ASPA: variants seen among roughly 807,000 people sequenced by gnomAD.
The protein encoded by ASPA is aspartoacylase, also known as ACY-2.
A neutral mutation model predicts 29.6 loss-of-function variants in ASPA; 25 were observed. The ratio of observed to expected loss-of-function variants is 0.85; its 90% CI spans 0.62 to 1.18. ASPA has a LOEUF of 1.18. Ranked by LOEUF, ASPA falls within the 50% of genes most tolerant of loss-of-function variation. The pLI is 0.00. For synonymous variants in ASPA, 131 were observed against 130.3 expected (o/e 1.01, Z -0.04); for missense variants, 333 against 385.7 (o/e 0.86, Z 1.14).
upstream of ASPA, among the ~76,000 whole-genome samples, chr17:3,474,568 A>G (rs2073494179): frequency 6.6e-6 from 1 of 152,254 alleles, no homozygotes; most frequent in South Asian, 2.1e-4. Context: ...ACAGACAGTC[A>G]AAGCCTACAG....
chr17:3,501,483 A>G lies in ASPA; in HGVS notation c.*2395A>G, dbSNP rs1457454725. 6.5e-6 allele frequency: 1 copy of G among 152,882 alleles called. No individual in the cohort carries two copies. The highest frequency in any genetic ancestry group is 1.5e-5 in the Non-Finnish European group (1 of 68,456). 9.5% of individuals were successfully genotyped at this position (152,882 alleles called of 1,614,324 possible). On this transcript the variant is annotated 3_prime_UTR_variant, in exon 6 of 6. Coordinates refer to ENST00000263080, the MANE Select transcript of ASPA (RefSeq NM_000049.4). ...TGAACTGCTGCAATCTCATGATCACACTTGAATGGATGAGGAGTCGCTTCT... is the reference window on the plus strand; with the variant it reads ...TGAACTGCTGCAATCTCATGATCACGCTTGAATGGATGAGGAGTCGCTTCT...
In ASPA at chr17:3,488,004, C is replaced by T. The variant is rs2073758437; in HGVS notation, c.527-1231C>T. Among the ~76,000 whole-genome samples, 1 of 151,950 alleles carries T rather than the reference C, an allele frequency of 6.6e-6. No individual in the cohort carries two copies. On this transcript the variant is annotated intron_variant, in intron 3 of 5. Transcript: ENST00000263080. This position sits in a 1 kb window ranked among gnomAD's most constrained non-coding sequence, Gnocchi z 6.1. ...TATGTTCATACATATATGCAAGAAACCTAAGCACAACAAATAAAAAATGAT... is the reference window on the plus strand; with the variant it reads ...TATGTTCATACATATATGCAAGAAATCTAAGCACAACAAATAAAAAATGAT...
intron 1 of ASPA, among the ~76,000 whole-genome samples, chr17:3,480,279 C>T (rs11656291): frequency 0.37 from 55,661 of 152,180 alleles, 12,979 homozygotes; most frequent in Non-Finnish European, 0.54. Context: ...GAGTTTAATT[C>T]ACACAGAGCC....
chr17:3,484,913 C>T (rs2073693221), intron 3 of ASPA, among the ~76,000 whole-genome samples: 1 of 152,182 alleles, frequency 6.6e-6, no homozygotes, highest in African/African-American at 2.4e-5. Context: ...CTCTCTGTTC[C>T]CTATCCCCTT....
At position 3,476,370 on chromosome 17, in the gene ASPA, C is replaced by A; in HGVS notation, c.211C>A (p.Arg71Ser). ...CTRYIDCDLN[R>S]IFDLENLGKK... ...CAGATATATTGACTGTGACCTGAAT[C>A]GCATTTTTGACCTTGAAAATCTTGG... The change falls in exon 1 of 6, where the codon CGC (arginine) becomes AGC (serine). Residue 71 changes from arginine to serine, a missense_variant. Physicochemically the swap from Arg to Ser is moderately radical, Grantham distance 110. Transcript: ENST00000263080. The A allele has an allele frequency of 6.2e-7, 1 of 1,614,034 alleles. No homozygotes were observed. Among genetic ancestry groups the A allele is most frequent in the Non-Finnish European group, 8.5e-7 (1 of 1,180,024 alleles).
At chr17:3,487,628 T>C (rs73309196) in intron 3 of ASPA, among the ~76,000 whole-genome samples, 161 of 152,340 alleles carry the variant, frequency 1.1e-3, no homozygotes, top group African/African-American at 3.7e-3. Context: ...TATTTGGATA[T>C]TTAGCTTACT....
In ASPA at chr17:3,483,526, G is replaced by T; in HGVS notation, c.460G>T (p.Val154Phe). The change falls in exon 3 of 6, where the codon GTT (valine) becomes TTT (phenylalanine). Residue 154 changes from valine (V) to phenylalanine (F), a missense_variant. Transcript: ENST00000263080. ...KTSLAPLPCYVYLIEHPSLKY... is the reference protein window; with the variant it reads ...KTSLAPLPCYFYLIEHPSLKY... ...TTCTCTGGCTCCACTACCCTGCTAC[G>T]TTTATCTGATTGAGCATCCTTCCCT... is the stretch of plus-strand genomic sequence containing the variant. 1 of 1,613,988 alleles carries T rather than the reference G, an allele frequency of 6.2e-7. No individual in the cohort carries two copies. Among genetic ancestry groups the T allele is most frequent in the Non-Finnish European group, 8.5e-7 (1 of 1,179,972 alleles).
rs786204572 is a variant in ASPA, at chr17:3,489,249, C to A, written c.541C>A (p.Pro181Thr). Residue 181 changes from proline to threonine, a missense_variant, in exon 4 of 6, where the codon CCT (proline) becomes ACT (threonine). Transcript: ENST00000263080. ...TCTGTACCTAGGTATAGAAGTTGGT[C>A]CTCAGCCTCAAGGGGTTCTGAGAGC... The part of the protein sequence containing the change: ...AKYPVGIEVG[P>T]QPQGVLRADI... The A allele has an allele frequency of 6.2e-6, 10 of 1,611,524 alleles. No homozygotes were observed. The highest frequency in any genetic ancestry group is 8.5e-6 in the Non-Finnish European group (10 of 1,178,802).
At position 3,488,451 on chromosome 17, in the gene ASPA, G is replaced by A. The variant is rs1252473472; in HGVS notation, c.527-784G>A. ...AAGGGCAGATTACCTGCGGTCAGGA[G>A]TTTGAGACCAGCCTGACCAACATGG... On this transcript the variant is annotated intron_variant, in intron 3 of 5. Transcript: ENST00000263080. The surrounding 1 kb of genome is among the most constrained non-coding windows in gnomAD (Gnocchi z 6.1). Among the ~76,000 whole-genome samples the A allele has an allele frequency of 1.3e-5, 2 of 152,274 alleles. No individual in the cohort carries two copies. Among genetic ancestry groups the A allele is most frequent in the Middle Eastern group, 3.4e-3 (1 of 294 alleles).
Position 3,488,938 on chromosome 17 carries a change from C to G in ASPA, c.527-297C>G, listed in dbSNP as rs2073773433. Reference sequence around the variant, plus strand: ...ATGTTATGACTTTTAAATATTTTAGCAATACTGAAGGAAATTTAAAGAAAA... The same window carrying G: ...ATGTTATGACTTTTAAATATTTTAGGAATACTGAAGGAAATTTAAAGAAAA... On this transcript the variant is annotated intron_variant, in intron 3 of 5. Coordinates refer to ENST00000263080, the MANE Select transcript of ASPA (RefSeq NM_000049.4). This position sits in a 1 kb window ranked among gnomAD's most constrained non-coding sequence, Gnocchi z 6.1. Among the ~76,000 whole-genome samples, 1 of 152,076 alleles carries G rather than the reference C, an allele frequency of 6.6e-6. No homozygotes were observed. Among genetic ancestry groups the G allele is most frequent in the Non-Finnish European group, 1.5e-5 (1 of 68,020 alleles).
Position 3,481,899 on chromosome 17 carries a change from A to C in ASPA, c.432+101A>C, listed in dbSNP as rs1449202294. The C allele has an allele frequency of 4.3e-6, 5 of 1,156,536 alleles. No individual in the cohort carries two copies. In the East Asian group the frequency reaches 1.0e-4, roughly 24 times the overall value. The allele number at this position is 1,156,536 out of a possible 1,614,324, so 71.6% of individuals were successfully genotyped here. A position where few individuals can be genotyped will look rare whatever the true frequency, so the allele number is the denominator to read the frequency against. ...AGAAAACAGTTATGAGGGAAGGTGCAAGAGAAATGGGGTTTATTCCATAGC... is the reference window on the plus strand; with the variant it reads ...AGAAAACAGTTATGAGGGAAGGTGCCAGAGAAATGGGGTTTATTCCATAGC... On this transcript the variant is annotated intron_variant, in intron 2 of 5. Coordinates refer to ENST00000263080, the MANE Select transcript of ASPA (RefSeq NM_000049.4).
intron 1 of ASPA, among the ~76,000 whole-genome samples, chr17:3,477,821 G>A (rs2073553323): frequency 6.6e-6 from 1 of 152,066 alleles, no homozygotes; most frequent in East Asian, 1.9e-4. Flanking sequence ...GCCAGGTACT[G>A]GGGGAGTACA....
chr17:3,501,162 A>G lies in ASPA; in HGVS notation c.*2074A>G, dbSNP rs555256475. 32 of 152,156 alleles carry G rather than the reference A, an allele frequency of 2.1e-4. No homozygotes were observed. Among genetic ancestry groups the G allele is most frequent in the African/African-American group, 7.5e-4 (31 of 41,476 alleles). The allele number at this position is 152,156 out of a possible 1,614,324, so 9.4% of individuals were successfully genotyped here. ...CAGGCTGGGGGAGGGGAGAAAAAAG[A>G]AAAAAAAGAAAGGAAGAAAAAAATC... On this transcript the variant is annotated 3_prime_UTR_variant, in exon 6 of 6. Transcript: ENST00000263080.
rs2073711528 is a variant in ASPA at position 3,485,934 on chromosome 17, C to CCCTT, written c.526+2342_526+2343insCCTT. 7.0e-6 allele frequency among the ~76,000 whole-genome samples: 1 copy of CCCTT among 142,392 alleles called. No individual in the cohort carries two copies. The allele number at this position is 142,392 out of a possible 152,430, so 93.4% of individuals were successfully genotyped here. On this transcript the variant is annotated intron_variant, in intron 3 of 5. Transcript: ENST00000263080. The surrounding 1 kb of genome is among the most constrained non-coding windows in gnomAD (Gnocchi z 4.4). ...CAGTGGTTGCATTCTAGGAGGGAACCTTTTTTTTTTTTTTTGAGACGGAGT... is the reference window on the plus strand; with the variant it reads ...CAGTGGTTGCATTCTAGGAGGGAACCCCTTTTTTTTTTTTTTTTTGAGACGGAGT...
At chr17:3,475,639 A>G (rs1267934185), upstream of ASPA, 1 of 163,172 alleles carries the variant, frequency 6.1e-6, no homozygotes, top group Non-Finnish European at 1.3e-5. Flanking sequence ...GGTGAGATTC[A>G]AATGCCCTCA....
intron 1 of ASPA, among the ~76,000 whole-genome samples, chr17:3,479,043 A>C (rs1469490779): frequency 6.6e-6 from 1 of 152,082 alleles, no homozygotes. Flanking sequence ...CCTGTCATCT[A>C]TTTTCCATCT....
chr17:3,493,851 T>A lies in ASPA; in HGVS notation c.635-499T>A, dbSNP rs894506809. 1.7e-4 allele frequency among the ~76,000 whole-genome samples: 26 copies of A among 152,290 alleles called. No homozygotes were observed. In the South Asian group the frequency reaches 1.9e-3, roughly 11 times the overall value. On this transcript the variant is annotated intron_variant, in intron 4 of 5. Transcript: ENST00000263080. ...CTTTTTCAGTTCTGTTTTCTACCTCTGGCCGTCGGCGTGTTTGTGGACAGA... is the reference window on the plus strand; with the variant it reads ...CTTTTTCAGTTCTGTTTTCTACCTCAGGCCGTCGGCGTGTTTGTGGACAGA...
upstream of ASPA, chr17:3,475,402 T>C (rs1316499104): frequency 1.3e-5 from 2 of 152,396 alleles, no homozygotes. Flanking sequence ...ACAGTTGTCT[T>C]TCCTTTGGTA....
Position 3,490,278 on chromosome 17 carries a change from G to A in ASPA, c.634+936G>A, listed in dbSNP as rs1299420957. Among the ~76,000 whole-genome samples, 1 of 152,114 alleles carries A rather than the reference G, an allele frequency of 6.6e-6. No homozygotes were observed. The highest frequency in any genetic ancestry group is 1.5e-5 in the Non-Finnish European group (1 of 68,020). Reference sequence around the variant, plus strand: ...AAAATTAATTAAACGGGGACTGGTGGACAAGGTGGGTATATGCAGCTCTAT... The same window carrying A: ...AAAATTAATTAAACGGGGACTGGTGAACAAGGTGGGTATATGCAGCTCTAT... On this transcript the variant is annotated intron_variant, in intron 4 of 5. Coordinates refer to ENST00000263080, the MANE Select transcript of ASPA (RefSeq NM_000049.4). This position sits in a 1 kb window ranked among gnomAD's most constrained non-coding sequence, Gnocchi z 4.6.
Sources: gnomAD v4.1 joint callset for allele counts (sites outside exome capture counted in the v4.1 genomes callset) on GRCh38, gnomAD v4.1.1 for gene constraint, Gnocchi (gnomAD v3.1) non-coding constraint, MANE v1.5 for transcripts, NCBI Gene and HGNC (gene_info 2026-07-23, HGNC 2026-07-21) for gene names.